Variants in KCNE1 observed in about 807,000 individuals in gnomAD.
The protein encoded by KCNE1 is potassium voltage-gated channel subfamily E member 1.
Under a neutral mutation model 2.9 loss-of-function variants are expected in KCNE1, and 1 was observed. The ratio of observed to expected loss-of-function variants is 0.34; its 90% CI spans 0.12 to 1.62. KCNE1 has a LOEUF of 1.62. Among genes scored for constraint, KCNE1 ranks in the 40% most tolerant of loss-of-function variants. KCNE1 has a pLI of 0.36. For synonymous variants in KCNE1, 23 were observed against 65.4 expected, an observed-to-expected ratio of 0.35 and a Z score of 3.13; for missense variants, 45 against 150.5, an observed-to-expected ratio of 0.30 and a Z score of 3.67.
intron 2 of KCNE1, among the ~76,000 whole-genome samples, chr21:34,503,197 C>A (rs1471633576): frequency 1.3e-5 from 2 of 152,136 alleles, no homozygotes; most frequent in African/African-American, 4.8e-5. Flanking sequence ...TTCCTACAAC[C>A]CCCTCCTTGG....
intron 2 of KCNE1, among the ~76,000 whole-genome samples, chr21:34,503,660 C>T (rs1601101102): frequency 6.6e-6 from 1 of 152,214 alleles, no homozygotes; most frequent in Non-Finnish European, 1.5e-5. Flanking sequence ...AGACACTCAT[C>T]ACTCTGGAGA....
intron 2 of KCNE1, among the ~76,000 whole-genome samples, chr21:34,505,941 T>A (rs188373025): frequency 6.6e-6 from 1 of 152,228 alleles, no homozygotes; most frequent in Non-Finnish European, 1.5e-5. Flanking sequence ...AGCAAGGCAA[T>A]ATAGACTCTG....
chr21:34,511,615 G>A (rs533798705), intron 1 of KCNE1, among the ~76,000 whole-genome samples: 33 of 152,326 alleles, frequency 2.2e-4, no homozygotes, highest in African/African-American at 7.5e-4. Context: ...GTACGGTGTG[G>A]TTTTCTGTGA....
intron 2 of KCNE1, chr21:34,509,796 C>T (rs1440354677): frequency 6.6e-6 from 1 of 152,208 alleles, no homozygotes; most frequent in Non-Finnish European, 1.5e-5. Context: ...AGTACATGTG[C>T]AGGTTCATTA....
At chr21:34,505,822 G>T (rs780708365) in intron 2 of KCNE1, among the ~76,000 whole-genome samples, 18 of 152,178 alleles carry the variant, frequency 1.2e-4, no homozygotes, top group Non-Finnish European at 2.5e-4. Flanking sequence ...CTCAAACGAG[G>T]CCAGACTAGA....
intron 2 of KCNE1, among the ~76,000 whole-genome samples, chr21:34,504,375 A>T (rs961481986): frequency 6.6e-6 from 1 of 152,186 alleles, no homozygotes; most frequent in Non-Finnish European, 1.5e-5. Context: ...CCAATAAGAA[A>T]CCACTTCATA....
intron 2 of KCNE1, among the ~76,000 whole-genome samples, chr21:34,496,765 A>G (rs1004274241): frequency 6.6e-6 from 1 of 151,974 alleles, no homozygotes; most frequent in Non-Finnish European, 1.5e-5. Flanking sequence ...GAGTATTGAA[A>G]TCCCCCACTA....
chr21:34,509,269 G>A (rs1276110376), intron 2 of KCNE1, among the ~76,000 whole-genome samples: 1 of 152,164 alleles, frequency 6.6e-6, no homozygotes, highest in East Asian at 1.9e-4. Flanking sequence ...CTTCCTTGCT[G>A]GCTGCTGGCC....
rs574125359 is a variant in KCNE1, at chr21:34,504,452, C to T, written c.-162+6649G>A. Among the ~76,000 whole-genome samples, 4 of 152,324 alleles carry T rather than the reference C, an allele frequency of 2.6e-5. No homozygotes were observed. In the South Asian group the frequency reaches 8.3e-4, roughly 32 times the overall value. ...TTGGGAGGATGTGGAGAGATCAGAA[C>T]ACTCCTACGCTGCTGGTGGCAATGT... On this transcript the variant is annotated intron_variant, in intron 2 of 3. Coordinates refer to ENST00000399286, the MANE Select transcript of KCNE1 (RefSeq NM_000219.6).
chr21:34,509,666 A>G (rs1299711159), intron 2 of KCNE1: 1 of 152,200 alleles, frequency 6.6e-6, no homozygotes, highest in African/African-American at 2.4e-5. Flanking sequence ...CACATTAGCC[A>G]GGATGGTCTC....
chr21:34,498,707 G>T (rs970496756), intron 2 of KCNE1, among the ~76,000 whole-genome samples: 6 of 152,358 alleles, frequency 3.9e-5, no homozygotes, highest in Middle Eastern at 3.4e-3. Context: ...TTGTCACATG[G>T]ACAGATTCAA....
At chr21:34,506,439 A>G (rs988444604) in intron 2 of KCNE1, among the ~76,000 whole-genome samples, 3 of 152,176 alleles carry the variant, frequency 2.0e-5, no homozygotes. Context: ...CCAAGTTTCC[A>G]TATGTGAACA....
chr21:34,504,681 A>G (rs1010726170), intron 2 of KCNE1, among the ~76,000 whole-genome samples: 1 of 152,218 alleles, frequency 6.6e-6, no homozygotes, highest in African/African-American at 2.4e-5. Context: ...ATGAACTGAC[A>G]CAATGTGGTC....
At chr21:34,496,612 T>C (rs927485476) in intron 2 of KCNE1, among the ~76,000 whole-genome samples, 2 of 152,230 alleles carry the variant, frequency 1.3e-5, no homozygotes, top group African/African-American at 4.8e-5. Context: ...TTCCATGTGC[T>C]GACGAAAAGA....
chr21:34,504,335 C>G (rs1049789099), intron 2 of KCNE1, among the ~76,000 whole-genome samples: 4 of 152,192 alleles, frequency 2.6e-5, no homozygotes, highest in African/African-American at 9.7e-5. Flanking sequence ...CTTGACATCT[C>G]TAGTGATCAG....
At position 34,452,738 on chromosome 21, in the gene KCNE1, G is replaced by GT. The variant is rs150518931; in HGVS notation, c.-50-3055dup. On this transcript the variant is annotated intron_variant, in intron 3 of 3. Transcript: ENST00000399286. ...AGTTTCCTTAGAATTGTTCAGTCAAGTTTTTTTTTTTTTTCTTTCCAAAGT... is the reference window on the plus strand; with the variant it reads ...AGTTTCCTTAGAATTGTTCAGTCAAGTTTTTTTTTTTTTTTCTTTCCAAAGT... 3.5e-3 allele frequency among the ~76,000 whole-genome samples: 142 copies of GT among 40,938 alleles called. 21 individuals carry two copies. Among genetic ancestry groups the GT allele is most frequent in the Middle Eastern group, 8.1e-3 (1 of 124 alleles). The allele number at this position is 40,938 out of a possible 152,430, so 26.9% of individuals were successfully genotyped here.
intron 2 of KCNE1, among the ~76,000 whole-genome samples, chr21:34,505,144 T>C (rs1983403423): frequency 6.6e-6 from 1 of 152,202 alleles, no homozygotes; most frequent in South Asian, 2.1e-4. Flanking sequence ...TATTTATTTA[T>C]TTATTTTGAG....
chr21:34,496,320 G>T (rs551341030), intron 2 of KCNE1, among the ~76,000 whole-genome samples: 3 of 152,154 alleles, frequency 2.0e-5, no homozygotes, highest in East Asian at 1.9e-4. Context: ...TGATCCACCC[G>T]CCTTGGCCTC....
At chr21:34,507,607 C>T (rs1331030961) in intron 2 of KCNE1, among the ~76,000 whole-genome samples, 1 of 152,156 alleles carries the variant, frequency 6.6e-6, no homozygotes, top group East Asian at 1.9e-4. Flanking sequence ...GACGGGGTAC[C>T]CCAGAATGTC....
Sources: allele counts gnomAD v4.1 joint callset (sites outside exome capture counted in the v4.1 genomes callset), GRCh38; gene constraint gnomAD v4.1.1; transcripts MANE v1.5; gene names NCBI Gene and HGNC (gene_info 2026-07-23, HGNC 2026-07-21).